The following SMG9 variants were observed in gnomAD, a reference collection of about 807,000 sequenced individuals.
SMG9 encodes the protein nonsense-mediated mRNA decay factor SMG9.
A neutral mutation model predicts 64.0 loss-of-function variants in SMG9; 55 were observed. The ratio of observed to expected loss-of-function variants is 0.86; its 90% CI spans 0.69 to 1.08. SMG9 has a LOEUF of 1.08. SMG9 is among the 50% of genes least tolerant of loss of function. SMG9 has a pLI of 0.00. For synonymous variants in SMG9, 244 were observed against 254.8 expected (o/e 0.96, Z 0.41); for missense variants, 554 against 681.3 (o/e 0.81, Z 2.08).
In SMG9 at chr19:43,734,501, G is replaced by A. The variant is rs1417276150; in HGVS notation, c.996-6C>T. The stretch of plus-strand genomic sequence containing the variant: ...TCTCTGCTGTCTGCAGGAACCTTGG[G>A]GTTTGGGGTGAGTGGCTGTTGCTCT... On this transcript the variant is annotated splice_region_variant and splice_polypyrimidine_tract_variant and intron_variant, in intron 9 of 13. Coordinates refer to ENST00000270066, the MANE Select transcript of SMG9 (RefSeq NM_019108.4). The A allele has an allele frequency of 6.5e-7, 1 of 1,549,916 alleles. No individual in the cohort carries two copies. The highest frequency in any genetic ancestry group is 8.7e-7 in the Non-Finnish European group (1 of 1,144,998).
chr19:43,733,725 G>C lies in SMG9; in HGVS notation c.1111C>G (p.Gln371Glu). 6.2e-7 allele frequency: 1 copy of C among 1,614,024 alleles called. No individual in the cohort carries two copies. Reference protein sequence around the residue: ...TEYYPHLVFLQNKARREDFCP... With the variant: ...TEYYPHLVFLENKARREDFCP... ...AAGTCCTCTCGGCGAGCTTTGTTCT[G>C]CAAGAAGACTGAGGGTGGGAAGAGA... The change falls in exon 11 of 14, where the codon CAG (glutamine) becomes GAG (glutamate). Residue 371 changes from glutamine (Q) to glutamate (E), a missense_variant. Transcript: ENST00000270066.
chr19:43,748,764 C>A (rs1242987557), intron 2 of SMG9: 1 of 520,072 alleles, frequency 1.9e-6, no homozygotes, highest in Non-Finnish European at 3.8e-6. Flanking sequence ...AGAGTCTTGA[C>A]CCCTAACTGT....
In SMG9 at chr19:43,731,811, C is replaced by A. The variant is rs1568593439; in HGVS notation, c.1485-137G>T. 11 of 1,033,024 alleles carry A rather than the reference C, an allele frequency of 1.1e-5. No individual in the cohort carries two copies. In the East Asian group the frequency reaches 2.9e-4, roughly 27 times the overall value. The allele number at this position is 1,033,024 out of a possible 1,614,324, so 64.0% of individuals were successfully genotyped here. ...TGAGCCTCTTGGAACCCAATCTCCT[C>A]GACTGGGATACAGGGAGGATCCTAA... On this transcript the variant is annotated intron_variant, in intron 13 of 13. Transcript: ENST00000270066.
At chr19:43,751,842 C>G (rs537287487) in intron 1 of SMG9, among the ~76,000 whole-genome samples, 1 of 152,200 alleles carries the variant, frequency 6.6e-6, no homozygotes, top group Non-Finnish European at 1.5e-5. Context: ...TTGCCTACTT[C>G]GAGAGGCAGT....
chr19:43,731,724 C>G, intron 13 of SMG9, 50 bp from the exon 14 acceptor site: 2 of 1,612,032 alleles, frequency 1.2e-6, no homozygotes, highest in Non-Finnish European at 1.7e-6. Context: ...TCCCCCCAGC[C>G]CAGCACCAAC....
At position 43,731,753 on chromosome 19, in the gene SMG9, C is replaced by G. The variant is rs566776170; in HGVS notation, c.1485-79G>C. 3.8e-6 allele frequency: 6 copies of G among 1,562,452 alleles called. No individual in the cohort carries two copies. The African/African-American group carries it at 8.1e-5, about 21-fold the overall frequency. ...CACCAACCCGGGACAGGTGGAGAAA[C>G]TGAGGCCCCTTTTATGACCTGAGAT... On this transcript the variant is annotated intron_variant, in intron 13 of 13. Coordinates refer to ENST00000270066, the MANE Select transcript of SMG9 (RefSeq NM_019108.4).
rs1568594368 is a variant in SMG9, at chr19:43,732,928, T to TG, written c.1413dup (p.Lys472GlnfsTer86). The TG allele has an allele frequency of 6.2e-7, 1 of 1,613,802 alleles. No individual in the cohort carries two copies. The highest frequency in any genetic ancestry group is 1.3e-5 in the African/African-American group (1 of 74,868). On this transcript the variant is annotated frameshift_variant, in exon 13 of 14. Coordinates refer to ENST00000270066, the MANE Select transcript of SMG9 (RefSeq NM_019108.4). LOFTEE classifies it high-confidence loss of function. ...ATGGACATCACTTGGCTCCGGAGCT[T>TG]GCTCACCAAGGACTGGAAACTGGGG... is the stretch of plus-strand genomic sequence containing the variant.
chr19:43,739,922 T>TG (rs1055200586), intron 7 of SMG9, 185 bp downstream of exon 7: 1 of 602,786 alleles, frequency 1.7e-6, no homozygotes, highest in Non-Finnish European at 3.0e-6. Flanking sequence ...GCGAATGAGA[T>TG]GGGGGCAAAA....
At chr19:43,747,385 G>A in intron 5 of SMG9, 57 bp downstream of exon 5, 2 of 1,553,996 alleles carry the variant, frequency 1.3e-6, no homozygotes, top group Non-Finnish European at 1.8e-6. Context: ...CAGAGAGGTG[G>A]AAGATCAGAG....
In SMG9 at chr19:43,754,706, G is replaced by T. The variant is rs1039658573; in HGVS notation, c.-59C>A. On this transcript the variant is annotated 5_prime_UTR_variant, in exon 1 of 14. Coordinates refer to ENST00000270066, the MANE Select transcript of SMG9 (RefSeq NM_019108.4). ...GGCGCGGTGTGCGCTCTCCCGTGAC[G>T]GGAGTCGGGTGGGGGCGGGGAGGCT... is the stretch of plus-strand genomic sequence containing the variant. 2 of 152,112 alleles carry T rather than the reference G, an allele frequency of 1.3e-5. No homozygotes were observed. Among genetic ancestry groups the T allele is most frequent in the Non-Finnish European group, 2.9e-5 (2 of 68,016 alleles). 9.4% of individuals were successfully genotyped at this position (152,112 alleles called of 1,614,324 possible).
chr19:43,743,513 CGGCCAACGGTGGT>C (rs1389373574), intron 6 of SMG9, among the ~76,000 whole-genome samples: 1 of 152,230 alleles, frequency 6.6e-6, no homozygotes, highest in East Asian at 1.9e-4. Flanking sequence ...ATTCTGCATA[CGGCCAACGGTGGT>C]GGCTCACACC....
rs950661837 is a variant in SMG9, at chr19:43,733,230, C to A, written c.1339+94G>T. ...GCTCCACACTGCTCCCAAACCAGGG[C>A]AACCCATGTCGCCTCCTAGACCAGT... is the stretch of plus-strand genomic sequence containing the variant. On this transcript the variant is annotated intron_variant, in intron 12 of 13. Transcript: ENST00000270066. The A allele has an allele frequency of 6.6e-6, 10 of 1,525,124 alleles. No individual in the cohort carries two copies. The African/African-American group carries it at 1.1e-4, about 17-fold the overall frequency. The allele number at this position is 1,525,124 out of a possible 1,614,324, so 94.5% of individuals were successfully genotyped here.
In SMG9 at chr19:43,747,868, A is replaced by G; in HGVS notation, c.255T>C (p.Pro85=). The G allele has an allele frequency of 6.2e-7, 1 of 1,609,522 alleles. No individual in the cohort carries two copies. Residue 85 remains proline (P), a synonymous_variant, in exon 4 of 14, where the codon CCT becomes CCC. Transcript: ENST00000270066. ...GAGGGGCTGGAGCAGGCGGGGCAGC[A>G]GGGGCTGTTGGAGGTGGTGGCTGTT... The part of the protein sequence containing the change: ...RSKQPPPPTA[P]AAPPAPAPLE...
rs566002699 is a variant in SMG9 at position 43,733,029 on chromosome 19, G to A, written c.1340-27C>T. The A allele has an allele frequency of 3.1e-6, 5 of 1,589,074 alleles. No homozygotes were observed. The Admixed American group carries it at 5.3e-5, about 17-fold the overall frequency. ...TGGAAAGTTGGGGCAGGGAGGGTAA[G>A]AGGGATAGACTGCCAGGGTCTTTCT... On this transcript the variant is annotated intron_variant, in intron 12 of 13. Transcript: ENST00000270066.
At chr19:43,742,529 G>A (rs929677648) in intron 6 of SMG9, among the ~76,000 whole-genome samples, 3 of 152,188 alleles carry the variant, frequency 2.0e-5, no homozygotes, top group African/African-American at 4.8e-5. Context: ...CTAACGTGCC[G>A]AATAGTGTGT....
At chr19:43,743,494 G>A (rs1968905027) in intron 6 of SMG9, among the ~76,000 whole-genome samples, 1 of 152,188 alleles carries the variant, frequency 6.6e-6, no homozygotes, top group African/African-American at 2.4e-5. Flanking sequence ...GACTGCAAAT[G>A]TGTGTAAAAT....
chr19:43,734,433 C>G lies in SMG9; in HGVS notation c.1058G>C (p.Ser353Thr). ...STPSPSHESSSSSGSDEGTEY... is the reference protein window; with the variant it reads ...STPSPSHESSTSSGSDEGTEY... ...GGTGCCTTCATCGGAGCCCGATGAGCTGCTGGACTCGTGGCTGGGGGATGG... is the reference window on the plus strand; with the variant it reads ...GGTGCCTTCATCGGAGCCCGATGAGGTGCTGGACTCGTGGCTGGGGGATGG... The change falls in exon 10 of 14, where the codon AGC becomes ACC. Residue 353 changes from serine to threonine, a missense_variant. By Grantham distance (58) the Ser-to-Thr change is moderately conservative. Transcript: ENST00000270066. 5 of 1,563,068 alleles carry G rather than the reference C, an allele frequency of 3.2e-6. No homozygotes were observed. Among genetic ancestry groups the G allele is most frequent in the Non-Finnish European group, 4.3e-6 (5 of 1,152,808 alleles).
intron 2 of SMG9, among the ~76,000 whole-genome samples, chr19:43,748,316 C>T (rs1229720073): frequency 5.3e-5 from 8 of 152,184 alleles, no homozygotes; most frequent in Non-Finnish European, 1.2e-4. Context: ...GCTGCCTCTG[C>T]GAGGCAACAA....
rs754580497 is a variant in SMG9, at chr19:43,731,392, G to A, written c.*204C>T. ...CCCATCTCAGGTTTGGGGTGGGATCGCTCACAGTCACCCCCGGAACAGCCC... is the reference window on the plus strand; with the variant it reads ...CCCATCTCAGGTTTGGGGTGGGATCACTCACAGTCACCCCCGGAACAGCCC... On this transcript the variant is annotated 3_prime_UTR_variant, in exon 14 of 14. Coordinates refer to ENST00000270066, the MANE Select transcript of SMG9 (RefSeq NM_019108.4). 2.2e-5 allele frequency: 30 copies of A among 1,380,830 alleles called. No individual in the cohort carries two copies. Among genetic ancestry groups the A allele is most frequent in the Admixed American group, 3.3e-5 (1 of 30,680 alleles). The allele number at this position is 1,380,830 out of a possible 1,614,324, so 85.5% of individuals were successfully genotyped here.
Sources: gnomAD v4.1 joint callset for allele counts (sites outside exome capture counted in the v4.1 genomes callset) on GRCh38, gnomAD v4.1.1 for gene constraint, MANE v1.5 for transcripts, NCBI Gene and HGNC (gene_info 2026-07-23, HGNC 2026-07-21) for gene names.